Variants in ATAD1 observed in about 807,000 individuals in gnomAD.
ATAD1 encodes the protein outer mitochondrial transmembrane helix translocase.
Under a neutral mutation model 42.7 loss-of-function variants are expected in ATAD1, and 18 were observed. The ratio of observed to expected loss-of-function variants is 0.42; its 90% CI spans 0.29 to 0.63. The LOEUF (loss-of-function observed/expected upper bound fraction) is 0.63. ATAD1 is among the 20% of genes least tolerant of loss of function. ATAD1 has a pLI of 0.19. For missense variants in ATAD1, 294 were observed against 440.4 expected (o/e 0.67, Z 2.98); for synonymous variants, 132 against 143.1 (o/e 0.92, Z 0.55).
chr10:87,800,195 T>C (rs577084295), intron 2 of ATAD1, among the ~76,000 whole-genome samples: 3 of 152,166 alleles, frequency 2.0e-5, no homozygotes, highest in African/African-American at 4.8e-5. Context: ...TATATATATA[T>C]ACACACACAC....
At chr10:87,762,893 A>G (rs1165456266) in intron 8 of ATAD1, among the ~76,000 whole-genome samples, 1 of 101,502 alleles carries the variant, frequency 9.9e-6, no homozygotes, top group African/African-American at 3.8e-5. Flanking sequence ...ACATGGTGAA[A>G]CCCCGTCTCT....
intron 2 of ATAD1, among the ~76,000 whole-genome samples, chr10:87,809,659 T>G (rs1857089771): frequency 6.6e-6 from 1 of 151,510 alleles, no homozygotes; most frequent in Admixed American, 6.6e-5. Flanking sequence ...ATTTATTTAT[T>G]TATTTATTTA....
At position 87,784,638 on chromosome 10, in the gene ATAD1, T is replaced by C; in HGVS notation, c.415A>G (p.Lys139Glu). Reference protein sequence around the residue: ...VLLYGPPGCGKTLIAKATAKE... With the variant: ...VLLYGPPGCGETLIAKATAKE... Reference sequence around the variant, plus strand: ...GCTGTGGCCTTGGCAATCAACGTTTTACCACAGCCTGGAGGCCCATAGAGA... The same window carrying C: ...GCTGTGGCCTTGGCAATCAACGTTTCACCACAGCCTGGAGGCCCATAGAGA... The change falls in exon 5 of 10, where the codon AAA becomes GAA. Residue 139 changes from lysine to glutamate, a missense_variant. Lys to Glu is a moderately conservative substitution (Grantham distance 56). Transcript: ENST00000680024. The C allele has an allele frequency of 6.2e-7, 1 of 1,613,056 alleles. No homozygotes were observed. Among genetic ancestry groups the C allele is most frequent in the Non-Finnish European group, 8.5e-7 (1 of 1,179,822 alleles).
chr10:87,814,693 A>C lies in ATAD1; in HGVS notation c.-13-81T>G, dbSNP rs138387179. Reference sequence around the variant, plus strand: ...AAGACTAACAAAGTAGCTTAAACTAAGAAAGAAAAACTAACTTCTAGTCAA... The same window carrying C: ...AAGACTAACAAAGTAGCTTAAACTACGAAAGAAAAACTAACTTCTAGTCAA... On this transcript the variant is annotated intron_variant, in intron 1 of 9. Transcript: ENST00000680024. 2.2e-4 allele frequency: 251 copies of C among 1,127,296 alleles called. No homozygotes were observed. The African/African-American group carries it at 2.4e-3, about 11-fold the overall frequency. The allele number at this position is 1,127,296 out of a possible 1,614,324, so 69.8% of individuals were successfully genotyped here.
intron 8 of ATAD1, among the ~76,000 whole-genome samples, chr10:87,761,043 G>A (rs954559546): frequency 1.3e-5 from 2 of 151,482 alleles, no homozygotes; most frequent in African/African-American, 4.9e-5. Context: ...CAGAGAAGAT[G>A]AACTCAAAGT....
chr10:87,767,196 T>A (rs1353867385), intron 8 of ATAD1, among the ~76,000 whole-genome samples: 1 of 152,122 alleles, frequency 6.6e-6, no homozygotes, highest in Admixed American at 6.5e-5. Context: ...ACATATACCA[T>A]AGTTACTGAG....
intron 1 of ATAD1, among the ~76,000 whole-genome samples, chr10:87,829,301 G>C (rs1857787630): frequency 6.6e-6 from 1 of 151,002 alleles, no homozygotes; most frequent in Non-Finnish European, 1.5e-5. Flanking sequence ...TGTCTCCCAG[G>C]CTGGAGTGTA....
chr10:87,830,092 G>A (rs1589576358), intron 1 of ATAD1, among the ~76,000 whole-genome samples: 1 of 152,262 alleles, frequency 6.6e-6, no homozygotes, highest in East Asian at 1.9e-4. Flanking sequence ...GAAAAATCAT[G>A]CCCTTCATTT....
chr10:87,809,099 T>G (rs1437392447), intron 2 of ATAD1, among the ~76,000 whole-genome samples: 1 of 152,214 alleles, frequency 6.6e-6, no homozygotes. Flanking sequence ...CTATTTCTTC[T>G]TAAGTCAGTT....
chr10:87,770,573 G>A (rs551374629), intron 7 of ATAD1, among the ~76,000 whole-genome samples: 1 of 152,124 alleles, frequency 6.6e-6, no homozygotes, highest in Non-Finnish European at 1.5e-5. Flanking sequence ...GTTGTTCATG[G>A]CAGGCCTTCT....
chr10:87,770,013 A>T (rs1055197357), intron 7 of ATAD1, among the ~76,000 whole-genome samples: 1 of 152,138 alleles, frequency 6.6e-6, no homozygotes, highest in Non-Finnish European at 1.5e-5. Flanking sequence ...AAATCTTTTC[A>T]TTGATTCATT....
intron 6 of ATAD1, among the ~76,000 whole-genome samples, chr10:87,775,476 C>A (rs1855259586): frequency 1.8e-5 from 2 of 112,162 alleles, no homozygotes; most frequent in Admixed American, 9.0e-5. Flanking sequence ...CAAAAGAACA[C>A]TGTTAACTTT....
At chr10:87,812,377 A>G (rs1298692051) in intron 2 of ATAD1, among the ~76,000 whole-genome samples, 1 of 152,066 alleles carries the variant, frequency 6.6e-6, no homozygotes, top group East Asian at 1.9e-4. Context: ...CCCGGGTTCA[A>G]GCAATTCTCA....
intron 5 of ATAD1, among the ~76,000 whole-genome samples, chr10:87,776,678 A>G (rs1013777662): frequency 2.6e-5 from 4 of 151,814 alleles, no homozygotes; most frequent in Non-Finnish European, 5.9e-5. Flanking sequence ...CTATGTTGTC[A>G]AGGCTGGTCT....
intron 2 of ATAD1, among the ~76,000 whole-genome samples, chr10:87,799,823 AC>A (rs1856597233): frequency 6.6e-6 from 1 of 151,884 alleles, no homozygotes; most frequent in Non-Finnish European, 1.5e-5. Context: ...AAAAAGGTGA[AC>A]AATTTTTGTC....
intron 6 of ATAD1, 106 bp downstream of exon 6, chr10:87,776,215 A>G (rs935983711): frequency 4.0e-5 from 31 of 775,378 alleles, no homozygotes; most frequent in Non-Finnish European, 6.1e-5. Flanking sequence ...AAGTGTAAAT[A>G]ATTATGAAAA....
In ATAD1 at chr10:87,838,461, CAAAAAAAAAA is replaced by C. The variant is rs770282016; in HGVS notation, c.-14+2716_-14+2725del. Among the ~76,000 whole-genome samples the C allele has an allele frequency of 9.4e-5, 4 of 42,628 alleles. No individual in the cohort carries two copies. In the Admixed American group the frequency reaches 1.0e-3, roughly 11 times the overall value. 28.0% of individuals were successfully genotyped at this position (42,628 alleles called of 152,430 possible). On this transcript the variant is annotated intron_variant, in intron 1 of 4. Transcript: ENST00000495903. The stretch of plus-strand genomic sequence containing the variant: ...TGGGTGACAGAGTGAGACTCTATCT[CAAAAAAAAAA>C]AAAAAAAAAAAAAAAAAGACAAGGT...
intron 8 of ATAD1, among the ~76,000 whole-genome samples, chr10:87,764,192 G>A (rs1854627502): frequency 6.6e-6 from 1 of 152,082 alleles, no homozygotes; most frequent in African/African-American, 2.4e-5. Flanking sequence ...GAGCGCAGTG[G>A]CTCATGCCTG....
intron 1 of ATAD1, among the ~76,000 whole-genome samples, chr10:87,824,242 G>A (rs1255831676): frequency 1.3e-5 from 2 of 152,126 alleles, no homozygotes; most frequent in African/African-American, 2.4e-5. Context: ...GGGAAGGGGG[G>A]AGGAAAGACA....
Sources: gnomAD v4.1 joint callset for allele counts (sites outside exome capture counted in the v4.1 genomes callset) on GRCh38, gnomAD v4.1.1 for gene constraint, MANE v1.5 for transcripts, NCBI Gene and HGNC (gene_info 2026-07-23, HGNC 2026-07-21) for gene names.